Variants in PARD3B observed in about 807,000 individuals in gnomAD.
PARD3B encodes the protein partitioning defective 3 homolog B.
PARD3B carries 103 observed loss-of-function variants against 130.2 expected under a neutral mutation model. The observed-to-expected ratio is 0.79, with a 90% CI of 0.67 to 0.93. The LOEUF is 0.93. Among genes scored for constraint, PARD3B ranks in the 40% least tolerant of loss-of-function variants. The pLI is 0.00. For missense variants in PARD3B, 1,609 were observed against 1,499.2 expected (o/e 1.07, Z -1.21); for synonymous variants, 583 against 553.2 (o/e 1.05, Z -0.76).
At chr2:204,590,329 A>G (rs192549636) in intron 1 of PARD3B, among the ~76,000 whole-genome samples, 1 of 152,276 alleles carries the variant, frequency 6.6e-6, no homozygotes, top group Admixed American at 6.5e-5. Flanking sequence ...AATACATCCC[A>G]TTTGGGATTT....
chr2:204,857,769 T>C (rs1027346659), intron 2 of PARD3B, among the ~76,000 whole-genome samples: 1 of 152,094 alleles, frequency 6.6e-6, no homozygotes, highest in Admixed American at 6.6e-5. Context: ...GAGAGTGACA[T>C]CCTCGATTTT....
At chr2:205,328,844 G>T (rs910079212) in intron 18 of PARD3B, among the ~76,000 whole-genome samples, 1 of 152,124 alleles carries the variant, frequency 6.6e-6, no homozygotes, top group Non-Finnish European at 1.5e-5. Flanking sequence ...CCAGTATGTT[G>T]TGTTTTTATT....
At chr2:205,337,209 G>C (rs1171406533) in intron 18 of PARD3B, among the ~76,000 whole-genome samples, 4 of 152,180 alleles carry the variant, frequency 2.6e-5, no homozygotes, top group African/African-American at 9.7e-5. Flanking sequence ...GTTTGGTGAA[G>C]ACATGCCTAG....
intron 18 of PARD3B, among the ~76,000 whole-genome samples, chr2:205,359,738 G>T (rs931128341): frequency 1.3e-5 from 2 of 151,812 alleles, no homozygotes; most frequent in Admixed American, 1.3e-4. Context: ...ACACAATTTT[G>T]TATCCTTTAA....
chr2:205,219,389 A>G (rs747992529), intron 15 of PARD3B, among the ~76,000 whole-genome samples: 10 of 152,168 alleles, frequency 6.6e-5, no homozygotes, highest in Admixed American at 1.3e-4. Flanking sequence ...AAGAGACAGC[A>G]CATAAACCCC....
chr2:205,378,208 T>C (rs2045145017), intron 18 of PARD3B, among the ~76,000 whole-genome samples: 1 of 152,164 alleles, frequency 6.6e-6, no homozygotes, highest in Admixed American at 6.5e-5. Context: ...CTCACAGTTA[T>C]AACAGACTTA....
At chr2:205,043,679 C>T (rs996516602) in intron 3 of PARD3B, among the ~76,000 whole-genome samples, 2 of 152,072 alleles carry the variant, frequency 1.3e-5, no homozygotes, top group African/African-American at 4.8e-5. Context: ...AGTTAGCTTT[C>T]CTTGTACAAT....
intron 1 of PARD3B, among the ~76,000 whole-genome samples, chr2:204,608,733 C>A (rs1574542416): frequency 6.6e-6 from 1 of 152,164 alleles, no homozygotes. Context: ...GTTACTCCCC[C>A]TCCTCCCTGC....
intron 2 of PARD3B, among the ~76,000 whole-genome samples, chr2:204,721,073 A>G (rs2038974144): frequency 6.6e-6 from 1 of 152,202 alleles, no homozygotes; most frequent in African/African-American, 2.4e-5. Context: ...CTTAGTCATG[A>G]GATCTCACCT....
chr2:205,354,586 G>A (rs1436501812), intron 18 of PARD3B, among the ~76,000 whole-genome samples: 1 of 152,074 alleles, frequency 6.6e-6, no homozygotes, highest in Admixed American at 6.5e-5. Context: ...CCAAAATGTT[G>A]GGATTATAAA....
At chr2:205,245,138 G>T (rs1194613212) in intron 15 of PARD3B, among the ~76,000 whole-genome samples, 1 of 152,150 alleles carries the variant, frequency 6.6e-6, no homozygotes, top group Non-Finnish European at 1.5e-5. Flanking sequence ...TCACTGTTCT[G>T]CTTGGGTGTT....
chr2:205,134,951 A>G (rs1298874884), intron 10 of PARD3B, among the ~76,000 whole-genome samples: 2 of 152,132 alleles, frequency 1.3e-5, no homozygotes, highest in Non-Finnish European at 2.9e-5. Context: ...TAAAGATCTC[A>G]TGACATTTCA....
At chr2:205,310,333 G>T (rs557723662) in intron 18 of PARD3B, among the ~76,000 whole-genome samples, 1 of 152,068 alleles carries the variant, frequency 6.6e-6, no homozygotes, top group Non-Finnish European at 1.5e-5. Context: ...ATGATCGCCT[G>T]CCTCAGCCTC....
At chr2:204,911,071 TATG>T (rs2047218331) in intron 2 of PARD3B, among the ~76,000 whole-genome samples, 2 of 152,250 alleles carry the variant, frequency 1.3e-5, no homozygotes, top group Non-Finnish European at 2.9e-5. Flanking sequence ...CACTTTATTT[TATG>T]ATGTTTGTGT....
intron 21 of PARD3B, among the ~76,000 whole-genome samples, chr2:205,503,771 G>A (rs1336450814): frequency 6.6e-6 from 1 of 151,988 alleles, no homozygotes; most frequent in South Asian, 2.1e-4. Context: ...GGGCAGTATG[G>A]CCATTTTCAC....
rs1029187510 is a variant in PARD3B at position 205,316,925 on chromosome 2, T to C, written c.2630+15224T>C. 4.9e-4 allele frequency among the ~76,000 whole-genome samples: 74 copies of C among 152,174 alleles called. 3 individuals carry two copies. The highest frequency in any genetic ancestry group is 1.5e-4 in the Non-Finnish European group (10 of 68,022). ...ATTTTTTTCTAACATCGTCTTTTAT[T>C]CATCCAACAAATATTGATTACCTAA... On this transcript the variant is annotated intron_variant, in intron 18 of 22. Coordinates refer to ENST00000406610, the MANE Select transcript of PARD3B (RefSeq NM_001302769.2).
chr2:204,946,060 CA>C (rs1420676749), intron 2 of PARD3B, among the ~76,000 whole-genome samples: 2 of 152,290 alleles, frequency 1.3e-5, no homozygotes, highest in East Asian at 1.9e-4. Context: ...AGCTTCCCTG[CA>C]AATATAGAAT....
intron 2 of PARD3B, among the ~76,000 whole-genome samples, chr2:204,788,329 T>A (rs1238794562): frequency 6.6e-6 from 1 of 152,232 alleles, no homozygotes; most frequent in Non-Finnish European, 1.5e-5. Flanking sequence ...CCTACACTGT[T>A]ATCTCATAGG....
intron 13 of PARD3B, among the ~76,000 whole-genome samples, chr2:205,177,458 C>G (rs970339801): frequency 6.6e-6 from 1 of 151,976 alleles, no homozygotes; most frequent in Non-Finnish European, 1.5e-5. Flanking sequence ...CATTATATGC[C>G]TCTTAGTCAT....
Sources: allele counts gnomAD v4.1 joint callset (sites outside exome capture counted in the v4.1 genomes callset), GRCh38; gene constraint gnomAD v4.1.1; transcripts MANE v1.5; gene names NCBI Gene and HGNC (gene_info 2026-07-23, HGNC 2026-07-21).